The following ZNF335 variants were observed in gnomAD, a reference collection of about 807,000 sequenced individuals.
ZNF335 encodes the protein NRC-interacting factor 1.
A neutral mutation model predicts 145.6 loss-of-function variants in ZNF335; 84 were observed. That is an observed-to-expected ratio of 0.58 (90% CI 0.48 to 0.69). The LOEUF (loss-of-function observed/expected upper bound fraction) is 0.69, where lower values mean the gene tolerates loss of function less well. Ranked by LOEUF, ZNF335 falls within the 30% of genes least tolerant of loss-of-function variation. ZNF335 has a pLI of 0.00. For synonymous variants in ZNF335, 761 were observed against 717.0 expected, an observed-to-expected ratio of 1.06 and a Z score of -0.98; for missense variants, 1,865 against 1,809.7, an observed-to-expected ratio of 1.03 and a Z score of -0.55.
At chr20:45,953,595 C>A in intron 18 of ZNF335, 94 bp downstream of exon 18, 1 of 1,528,850 alleles carries the variant, frequency 6.5e-7, no homozygotes. Flanking sequence ...GGGATTTTTG[C>A]CTCCTGCCAA....
Position 45,968,371 on chromosome 20 carries a change from A to G in ZNF335, c.443-9T>C. 6.2e-7 allele frequency: 1 copy of G among 1,607,404 alleles called. No homozygotes were observed. Among genetic ancestry groups the G allele is most frequent in the Non-Finnish European group, 8.5e-7 (1 of 1,174,918 alleles). On this transcript the variant is annotated splice_polypyrimidine_tract_variant and intron_variant, in intron 3 of 27. Coordinates refer to ENST00000322927, the MANE Select transcript of ZNF335 (RefSeq NM_022095.4). The stretch of plus-strand genomic sequence containing the variant: ...GGTCACAGTGATGCAGTCTGGGCAG[A>G]GATGGGGAAGGGTCACACCTCCTGG...
intron 1 of ZNF335, 141 bp downstream of exon 1, chr20:45,971,981 G>A (rs999100539): frequency 8.6e-6 from 10 of 1,166,852 alleles, no homozygotes; most frequent in Non-Finnish European, 1.1e-5. Context: ...GCAAGTGCGA[G>A]AGCGACTAAA....
chr20:45,969,990 C>T, intron 2 of ZNF335: 1 of 291,610 alleles, frequency 3.4e-6, no homozygotes, highest in South Asian at 8.6e-5. Context: ...ATCGTTCCCT[C>T]TGCCTGAAAC....
chr20:45,969,487 T>C lies in ZNF335; in HGVS notation c.406A>G (p.Ile136Val). 1 of 1,562,500 alleles carries C rather than the reference T, an allele frequency of 6.4e-7. No homozygotes were observed. Among genetic ancestry groups the C allele is most frequent in the Non-Finnish European group, 8.7e-7 (1 of 1,143,940 alleles). Residue 136 changes from isoleucine to valine, a missense_variant, in exon 3 of 28, where the codon ATC becomes GTC. Coordinates refer to ENST00000322927, the MANE Select transcript of ZNF335 (RefSeq NM_022095.4). Reference protein sequence around the residue: ...SSDLGSAIDKIIESTIGPDLI... With the variant: ...SSDLGSAIDKVIESTIGPDLI... ...TCGGGCCCGATGGTGGACTCGATGATCTTGTCGATGGCCGAGCCCAGGTCC... is the reference window on the plus strand; with the variant it reads ...TCGGGCCCGATGGTGGACTCGATGACCTTGTCGATGGCCGAGCCCAGGTCC...
At position 45,960,267 on chromosome 20, in the gene ZNF335, C is replaced by A; in HGVS notation, c.1961G>T (p.Cys654Phe). 6.2e-7 allele frequency: 1 copy of A among 1,614,204 alleles called. No homozygotes were observed. The highest frequency in any genetic ancestry group is 8.5e-7 in the Non-Finnish European group (1 of 1,180,040). ...GTCCTCTCGGAAGGTGCGGTAGGGACAAAAGCTGCATTTGAAGGGCTTGTC... is the reference window on the plus strand; with the variant it reads ...GTCCTCTCGGAAGGTGCGGTAGGGAAAAAAGCTGCATTTGAAGGGCTTGTC... ...VSDKPFKCSFCPYRTFREDFL... is the reference protein window; with the variant it reads ...VSDKPFKCSFFPYRTFREDFL... The change falls in exon 14 of 28, where the codon TGT becomes TTT. Residue 654 changes from cysteine (C) to phenylalanine (F), a missense_variant. Coordinates refer to ENST00000322927, the MANE Select transcript of ZNF335 (RefSeq NM_022095.4).
chr20:45,952,612 A>C lies in ZNF335; in HGVS notation c.2800T>G (p.Leu934Val). The C allele has an allele frequency of 6.2e-7, 1 of 1,613,960 alleles. No homozygotes were observed. ...CCAAGCCTCACCTCAATGTGGTGCAACTGGGTACCATCAGTAGCCATGATG... is the reference window on the plus strand; with the variant it reads ...CCAAGCCTCACCTCAATGTGGTGCACCTGGGTACCATCAGTAGCCATGATG... ...HYIMATDGTQ[L>V]HHIELTADGS... The change falls in exon 19 of 28, where the codon TTG (leucine) becomes GTG (valine). Residue 934 changes from leucine (L) to valine (V), a missense_variant. Leu to Val is a conservative substitution (Grantham distance 32). Coordinates refer to ENST00000322927, the MANE Select transcript of ZNF335 (RefSeq NM_022095.4).
chr20:45,957,484 C>T (rs1437579407), intron 17 of ZNF335, 102 bp downstream of exon 17: 12 of 1,130,716 alleles, frequency 1.1e-5, no homozygotes, highest in Middle Eastern at 4.1e-4. Flanking sequence ...CTCCCAAGGG[C>T]GGAGAAGCTC....
chr20:45,955,022 G>T (rs1227577866), intron 17 of ZNF335, among the ~76,000 whole-genome samples: 4 of 152,030 alleles, frequency 2.6e-5, no homozygotes, highest in African/African-American at 9.7e-5. Flanking sequence ...GCCTCCCAAA[G>T]TGCTGGGATT....
intron 6 of ZNF335, 153 bp downstream of exon 6, chr20:45,967,341 C>A: frequency 8.4e-7 from 1 of 1,186,624 alleles, no homozygotes; most frequent in Admixed American, 2.1e-5. Flanking sequence ...CACAGAAGTC[C>A]TGGTCCCAGA....
At chr20:45,952,053 G>T in intron 20 of ZNF335, 94 bp downstream of exon 20, 1 of 1,473,624 alleles carries the variant, frequency 6.8e-7, no homozygotes. Context: ...GGAGAGCAGA[G>T]GATCTGGCTT....
chr20:45,967,177 A>C, intron 6 of ZNF335: 1 of 329,570 alleles, frequency 3.0e-6, no homozygotes, highest in Non-Finnish European at 5.8e-6. Flanking sequence ...CAGGAATTCA[A>C]GGTAACAGTG....
At chr20:45,971,782 TC>T in intron 1 of ZNF335, 1 of 985,068 alleles carries the variant, frequency 1.0e-6, no homozygotes, top group Non-Finnish European at 1.2e-6. Flanking sequence ...GGCCCCCGCG[TC>T]CCCCCGGGTT....
At position 45,949,965 on chromosome 20, in the gene ZNF335, C is replaced by T; in HGVS notation, c.3591+1G>A. 2 of 1,614,148 alleles carry T rather than the reference C, an allele frequency of 1.2e-6. No homozygotes were observed. Among genetic ancestry groups the T allele is most frequent in the Non-Finnish European group, 1.7e-6 (2 of 1,180,010 alleles). On this transcript the variant is annotated splice_donor_variant, in intron 23 of 27. Coordinates refer to ENST00000322927, the MANE Select transcript of ZNF335 (RefSeq NM_022095.4). LOFTEE classifies it high-confidence loss of function. ...AGAGGGCCCCCAGTCCTGACTCTTA[C>T]CTGATTGGTCACTGTCTGTTCCTGG...
rs541986791 is a variant in ZNF335 at position 45,966,273 on chromosome 20, T to C, written c.956-499A>G. 1.3e-3 allele frequency among the ~76,000 whole-genome samples: 197 copies of C among 151,986 alleles called. 1 individual carries two copies. Among genetic ancestry groups the C allele is most frequent in the African/African-American group, 4.3e-3 (180 of 41,460 alleles). ...TTTTGGTATTTTAGTAGAGACAGGA[T>C]TTCACCGTGTTAGCCAGGATGGTCT... On this transcript the variant is annotated intron_variant, in intron 6 of 27. Transcript: ENST00000322927.
intron 17 of ZNF335, among the ~76,000 whole-genome samples, chr20:45,955,721 G>A (rs1322990873): frequency 6.6e-6 from 1 of 151,876 alleles, no homozygotes; most frequent in Non-Finnish European, 1.5e-5. Context: ...TCAGGAGGCC[G>A]AGGTAGGACA....
chr20:45,972,036 GGGACCTCGCCTCC>G, intron 1 of ZNF335, 73 bp downstream of exon 1: 4 of 1,249,214 alleles, frequency 3.2e-6, no homozygotes, highest in Non-Finnish European at 4.1e-6. Flanking sequence ...CCGCCGGCCT[GGGACCTCGCCTCC>G]GGGTATCCCC....
chr20:45,966,502 G>A (rs2083955324), intron 6 of ZNF335, among the ~76,000 whole-genome samples: 1 of 151,610 alleles, frequency 6.6e-6, no homozygotes, highest in Admixed American at 6.6e-5. Context: ...GAGGACAGGA[G>A]TTTGAGACCA....
chr20:45,950,337 C>T lies in ZNF335; in HGVS notation c.3369G>A (p.Gln1123=), dbSNP rs754246209. ...NRNGHLKFHI[Q]RLHSPDGRKS... ...TCCTCCCATCAGGACTGTGCAGCCG[C>T]TGGATGTGGAACTTGAGGTGCCCGT... Residue 1123 remains glutamine (Q), a synonymous_variant, in exon 22 of 28, where the codon CAG becomes CAA. Transcript: ENST00000322927. 6.3e-7 allele frequency: 1 copy of T among 1,583,788 alleles called. No homozygotes were observed. The highest frequency in any genetic ancestry group is 8.6e-7 in the Non-Finnish European group (1 of 1,162,700).
Position 45,957,599 on chromosome 20 carries a change from C to T in ZNF335, c.2429G>A (p.Gly810Asp). 6.2e-7 allele frequency: 1 copy of T among 1,613,880 alleles called. No individual in the cohort carries two copies. Among genetic ancestry groups the T allele is most frequent in the Admixed American group, 1.7e-5 (1 of 60,006 alleles). ...LNMSAQRELGGTALQVAVVKS... is the reference protein window; with the variant it reads ...LNMSAQRELGDTALQVAVVKS... ...CAGGCAGCTCACCTGCAGGGCTGTG[C>T]CCCCCAGTTCCCGCTGAGCACTCAT... Residue 810 changes from glycine to aspartate, a missense_variant, in exon 17 of 28, where the codon GGC becomes GAC. By Grantham distance (94) the Gly-to-Asp change is moderately conservative (BLOSUM62 -1). Transcript: ENST00000322927.
Sources: gnomAD v4.1 joint callset for allele counts (sites outside exome capture counted in the v4.1 genomes callset) on GRCh38, gnomAD v4.1.1 for gene constraint, MANE v1.5 for transcripts, NCBI Gene and HGNC (gene_info 2026-07-23, HGNC 2026-07-21) for gene names.